Variants in NID1 observed in about 807,000 individuals in gnomAD.
NID1 encodes the protein nidogen 1, also known as nidogen-1.
In NID1, 76 loss-of-function variants were observed where a neutral mutation model predicts 130.6. The observed-to-expected ratio is 0.58, with a 90% CI of 0.48 to 0.70. The LOEUF is 0.70. NID1 is among the 30% of genes least tolerant of loss of function. The pLI, the probability that NID1 is intolerant of heterozygous loss-of-function variation, is 0.00. For missense variants in NID1, 1,517 were observed against 1,664.8 expected (o/e 0.91, Z 1.54); for synonymous variants, 665 against 675.1 (o/e 0.98, Z 0.23).
intron 5 of NID1, among the ~76,000 whole-genome samples, chr1:236,037,168 C>T (rs766194149): frequency 5.3e-5 from 8 of 152,216 alleles, no homozygotes; most frequent in Non-Finnish European, 1.0e-4. Context: ...GACATTGGCC[C>T]ATAGCCGAAT....
intron 15 of NID1, among the ~76,000 whole-genome samples, chr1:235,982,118 C>G (rs1211809613): frequency 1.3e-5 from 2 of 152,136 alleles, no homozygotes; most frequent in African/African-American, 4.8e-5. Context: ...GAGGAGGAAC[C>G]CCAGCCTGGG....
chr1:236,050,768 T>A (rs1320748064), intron 1 of NID1, among the ~76,000 whole-genome samples: 1 of 151,876 alleles, frequency 6.6e-6, no homozygotes, highest in Admixed American at 6.6e-5. Flanking sequence ...CCTTAGATAA[T>A]CTGTGAATTG....
intron 11 of NID1, 121 bp downstream of exon 11, chr1:236,013,290 T>C (rs1308750094): frequency 9.3e-7 from 1 of 1,078,452 alleles, no homozygotes; most frequent in Admixed American, 2.1e-5. Flanking sequence ...ATTTACTCTG[T>C]GGAGATGACA....
At position 235,977,858 on chromosome 1, in the gene NID1, C is replaced by T. The variant is rs1657311255; in HGVS notation, c.*9G>A. ...AAATACTTGGAAAGGAAATAAGGCA[C>T]TCTTGTCTTCATTTCTGTTCGATAC... is the stretch of plus-strand genomic sequence containing the variant. On this transcript the variant is annotated 3_prime_UTR_variant, in exon 20 of 20. Coordinates refer to ENST00000264187, the MANE Select transcript of NID1 (RefSeq NM_002508.3). The T allele has an allele frequency of 1.2e-6, 2 of 1,613,634 alleles. No individual in the cohort carries two copies. Among genetic ancestry groups the T allele is most frequent in the Non-Finnish European group, 1.7e-6 (2 of 1,179,806 alleles).
chr1:236,024,018 C>T, intron 9 of NID1, 52 bp downstream of exon 9: 1 of 1,603,332 alleles, frequency 6.2e-7, no homozygotes, highest in Non-Finnish European at 8.5e-7. Flanking sequence ...ACGTGGATGC[C>T]TCCTCCTCGC....
At chr1:236,027,207 G>A (rs1233686966) in intron 7 of NID1, among the ~76,000 whole-genome samples, 1 of 152,216 alleles carries the variant, frequency 6.6e-6, no homozygotes, top group Admixed American at 6.5e-5. Context: ...TCAGAAGAGG[G>A]CCTGCTATGG....
rs1387311807 is a variant in NID1, at chr1:235,996,752, A to AT, written c.2528-2881dup. On this transcript the variant is annotated intron_variant, in intron 12 of 19. Transcript: ENST00000264187. ...GCCACCAAGCCTGGCCACTTCATGTATTTTTTTAAGTGGCAGGGTCTTGCT... is the reference window on the plus strand; with the variant it reads ...GCCACCAAGCCTGGCCACTTCATGTATTTTTTTTAAGTGGCAGGGTCTTGCT... 2.0e-5 allele frequency among the ~76,000 whole-genome samples: 3 copies of AT among 150,802 alleles called. No homozygotes were observed. In the East Asian group the frequency reaches 5.9e-4, roughly 30 times the overall value.
At position 236,012,086 on chromosome 1, in the gene NID1, T is replaced by C. The variant is rs752768442; in HGVS notation, c.2405-43A>G. ...GGCCCAGGGACAATGAGATTTCTTC[T>C]GGAATTCGTAGTTTACCCAATAATT... On this transcript the variant is annotated intron_variant, in intron 11 of 19. Coordinates refer to ENST00000264187, the MANE Select transcript of NID1 (RefSeq NM_002508.3). The C allele has an allele frequency of 3.1e-6, 5 of 1,593,052 alleles. No individual in the cohort carries two copies. In the African/African-American group the frequency reaches 5.4e-5, roughly 17 times the overall value.
chr1:235,997,716 C>T (rs1254813789), intron 12 of NID1, among the ~76,000 whole-genome samples: 1 of 151,758 alleles, frequency 6.6e-6, no homozygotes, highest in African/African-American at 2.4e-5. Context: ...AAGCAGTTCT[C>T]CTGTCTCAGC....
At chr1:236,013,647 C>T (rs542224417) in intron 10 of NID1, 87 bp from the exon 11 acceptor site, 57 of 1,503,216 alleles carry the variant, frequency 3.8e-5, no homozygotes, top group Admixed American at 5.5e-5. Context: ...AAAGAGAGAC[C>T]ATGCCTGGAC....
intron 14 of NID1, among the ~76,000 whole-genome samples, chr1:235,985,767 T>G (rs983312771): frequency 6.6e-6 from 1 of 150,674 alleles, no homozygotes; most frequent in Non-Finnish European, 1.5e-5. Context: ...TATATATGCA[T>G]AAATATGTAT....
rs1245971036 is a variant in NID1, at chr1:236,042,087, T to C, written c.958A>G (p.Arg320Gly). 1 of 1,614,160 alleles carries C rather than the reference T, an allele frequency of 6.2e-7. No individual in the cohort carries two copies. Among genetic ancestry groups the C allele is most frequent in the Non-Finnish European group, 8.5e-7 (1 of 1,180,030 alleles). ...ACACTGTATGTGTCAGCACCTCCCC[T>C]TCTCAGAGCCTTGTAGGAGAAGGGC... ...TTPFSYKALR[R>G]GGADTYSVPS... The change falls in exon 4 of 20, where the codon AGG becomes GGG. Residue 320 changes from arginine (R) to glycine (G), a missense_variant. Arg to Gly is a moderately radical substitution (Grantham distance 125). Transcript: ENST00000264187.
In NID1 at chr1:236,042,230, T is replaced by C. The variant is rs779067400; in HGVS notation, c.815A>G (p.Asn272Ser). ...VFEIGSPATT[N>S]GVVPADVILG... ...GATCACGTCTGCAGGCACCACGCCA[T>C]TGGTGGTGGCTGGACTCCCAATCTC... The change falls in exon 4 of 20, where the codon AAT becomes AGT. Residue 272 changes from asparagine (N) to serine (S), a missense_variant. Around this residue, in one of 3 missense-constraint regions of NID1, gnomAD observed 1,329 missense variants for 1,429.2 expected, o/e 0.93. Coordinates refer to ENST00000264187, the MANE Select transcript of NID1 (RefSeq NM_002508.3). 31 of 1,611,500 alleles carry C rather than the reference T, an allele frequency of 1.9e-5. No individual in the cohort carries two copies. Among genetic ancestry groups the C allele is most frequent in the Non-Finnish European group, 1.7e-5 (20 of 1,179,980 alleles).
chr1:236,052,202 C>T (rs915719579), intron 1 of NID1, among the ~76,000 whole-genome samples: 7 of 152,210 alleles, frequency 4.6e-5, no homozygotes, highest in African/African-American at 1.7e-4. Flanking sequence ...AAAATATTCC[C>T]GTCCACTTGG....
intron 1 of NID1, among the ~76,000 whole-genome samples, chr1:236,054,566 A>C (rs112806750): frequency 6.6e-6 from 1 of 152,110 alleles, no homozygotes; most frequent in Non-Finnish European, 1.5e-5. Flanking sequence ...TCATGAAACC[A>C]TTTGCATATT....
intron 12 of NID1, among the ~76,000 whole-genome samples, chr1:235,994,187 C>A (rs997146794): frequency 5.3e-5 from 8 of 152,132 alleles, no homozygotes; most frequent in African/African-American, 1.9e-4. Context: ...TTTGCGATGG[C>A]GTTTCGCTCC....
chr1:236,017,346 A>G (rs368305409), intron 9 of NID1, 73 bp from the exon 10 acceptor site: 50 of 1,519,288 alleles, frequency 3.3e-5, no homozygotes, highest in East Asian at 2.5e-4. Flanking sequence ...ATAATAAAAT[A>G]GCATTGTCAC....
At chr1:236,013,593 G>A (rs777354889) in intron 10 of NID1, 33 bp from the exon 11 acceptor site, 7 of 1,613,782 alleles carry the variant, frequency 4.3e-6, no homozygotes, top group Non-Finnish European at 5.9e-6. Context: ...ACAGTCTTAG[G>A]AAGAAAGTCC....
chr1:236,053,602 C>T (rs555167234), intron 1 of NID1, among the ~76,000 whole-genome samples: 1 of 152,284 alleles, frequency 6.6e-6, no homozygotes, highest in South Asian at 2.1e-4. Flanking sequence ...CTCACACCCC[C>T]AGCCCCTGAT....
Sources: allele counts gnomAD v4.1 joint callset (sites outside exome capture counted in the v4.1 genomes callset), GRCh38; gene constraint gnomAD v4.1.1; regional missense constraint gnomAD v4.1.1; transcripts MANE v1.5; gene names NCBI Gene and HGNC (gene_info 2026-07-23, HGNC 2026-07-21).